ABCB9: variants seen among roughly 807,000 people sequenced by gnomAD.
The protein encoded by ABCB9 is ABC-type oligopeptide transporter ABCB9.
ABCB9 carries 36 observed loss-of-function variants against 62.0 expected under a neutral mutation model. The observed-to-expected ratio is 0.58, with a 90% CI of 0.45 to 0.77. ABCB9 has a LOEUF of 0.77. ABCB9 is among the 30% of genes least tolerant of loss of function. ABCB9 has a pLI of 0.00. For synonymous variants in ABCB9, 435 were observed against 461.4 expected (o/e 0.94, Z 0.73); for missense variants, 943 against 1,054.7 (o/e 0.89, Z 1.47).
chr12:122,966,191 G>C (rs1000967886), intron 1 of ABCB9, 96 bp downstream of exon 1: 1 of 152,434 alleles, frequency 6.6e-6, no homozygotes, highest in Non-Finnish European at 1.5e-5. Flanking sequence ...TTCCCACCGA[G>C]GCAGGGGTGC....
chr12:122,924,205 C>G (rs2034827641), downstream of ABCB9, among the ~76,000 whole-genome samples: 1 of 152,184 alleles, frequency 6.6e-6, no homozygotes, highest in South Asian at 2.1e-4. Flanking sequence ...GTGTGGGGAC[C>G]TGGGTTCCAG....
intron 9 of ABCB9, among the ~76,000 whole-genome samples, chr12:122,938,130 G>A (rs556200297): frequency 6.6e-5 from 10 of 152,210 alleles, no homozygotes; most frequent in Non-Finnish European, 1.2e-4. Flanking sequence ...TCTACTCTTA[G>A]GATTATACCT....
At chr12:122,962,597 A>G (rs916973857) in intron 1 of ABCB9, among the ~76,000 whole-genome samples, 8 of 152,184 alleles carry the variant, frequency 5.3e-5, no homozygotes, top group African/African-American at 1.7e-4. Flanking sequence ...TGATCCAGAC[A>G]TTCAGCCAAC....
At chr12:122,966,675 C>A (rs1049406795), upstream of ABCB9, among the ~76,000 whole-genome samples, 4 of 152,260 alleles carry the variant, frequency 2.6e-5, no homozygotes, top group Non-Finnish European at 4.4e-5. Flanking sequence ...CACAGCTGGC[C>A]ACCTGCTCAC....
At chr12:122,966,539 C>G (rs1418093358), upstream of ABCB9, 3 of 145,496 alleles carry the variant, frequency 2.1e-5, no homozygotes, top group East Asian at 6.2e-4. Flanking sequence ...GGGCAGGGAC[C>G]GGCGGAGCCT....
chr12:122,971,419 A>G (rs1034114517), upstream of ABCB9, among the ~76,000 whole-genome samples: 2 of 151,662 alleles, frequency 1.3e-5, no homozygotes, highest in Non-Finnish European at 2.9e-5. Flanking sequence ...AAAAACAAAC[A>G]AAAACAACAA....
At chr12:122,970,739 C>T (rs1012979124), upstream of ABCB9, among the ~76,000 whole-genome samples, 1 of 152,126 alleles carries the variant, frequency 6.6e-6, no homozygotes, top group Non-Finnish European at 1.5e-5. Context: ...AAGCTTTATT[C>T]GTAATTGCCT....
rs770700581 is a variant in ABCB9, at chr12:122,940,871, C to A, written c.1505G>T (p.Gly502Val). ...GGTCACATTCTCAAAGTCCACCCGGCCCTCCAGGTGGTCGGGGGCCAAGCT... is the reference window on the plus strand; with the variant it reads ...GGTCACATTCTCAAAGTCCACCCGGACCTCCAGGTGGTCGGGGGCCAAGCT... ...DGSLAPDHLE[G>V]RVDFENVTFT... Residue 502 changes from glycine (G) to valine (V), a missense_variant, in exon 8 of 12, where the codon GGC becomes GTC. Physicochemically the swap from Gly to Val is moderately radical, Grantham distance 109. Transcript: ENST00000280560. The surrounding 1 kb of genome is among the most constrained non-coding windows in gnomAD (Gnocchi z 4.8). 2 of 1,612,096 alleles carry A rather than the reference C, an allele frequency of 1.2e-6. No individual in the cohort carries two copies. The highest frequency in any genetic ancestry group is 1.7e-6 in the Non-Finnish European group (2 of 1,179,104).
intron 2 of ABCB9, chr12:122,951,076 G>C (rs1362239452): frequency 1.4e-5 from 2 of 142,414 alleles, no homozygotes; most frequent in Non-Finnish European, 3.0e-5. Context: ...TCAACCTCCT[G>C]GGTTGAAGCA....
Position 122,947,473 on chromosome 12 carries a change from T to G in ABCB9, c.1053+1151A>C. The G allele has an allele frequency of 2.2e-6, 1 of 454,776 alleles. No individual in the cohort carries two copies. The highest frequency in any genetic ancestry group is 1.6e-5 in the South Asian group (1 of 64,466). 28.2% of individuals were successfully genotyped at this position (454,776 alleles called of 1,614,324 possible). ...CTCCAATGGAGCTGCGACAATGACT[T>G]ACCCGGCACCACCTGGAGGCCGTCA... is the stretch of plus-strand genomic sequence containing the variant. On this transcript the variant is annotated intron_variant, in intron 5 of 11. Transcript: ENST00000280560. This position sits in a 1 kb window ranked among gnomAD's most constrained non-coding sequence, Gnocchi z 6.0.
Position 122,933,822 on chromosome 12 carries a change from A to G in ABCB9, c.1903+1450T>C, listed in dbSNP as rs137942565. ...TACAACGTGATGCTCTGAAATACAT[A>G]TACACTGTGGAATAGCTAAATCAAG... On this transcript the variant is annotated intron_variant, in intron 10 of 11. Coordinates refer to ENST00000280560, the MANE Select transcript of ABCB9 (RefSeq NM_019625.4). 7.2e-5 allele frequency among the ~76,000 whole-genome samples: 11 copies of G among 152,324 alleles called. No individual in the cohort carries two copies. The East Asian group carries it at 1.9e-3, about 27-fold the overall frequency.
At chr12:122,939,903 C>T in intron 9 of ABCB9, 1 of 663,314 alleles carries the variant, frequency 1.5e-6, no homozygotes, top group Non-Finnish European at 2.4e-6. Flanking sequence ...CCTCCAGCCT[C>T]AGCTTCCCAA....
upstream of ABCB9, among the ~76,000 whole-genome samples, chr12:122,970,778 A>G (rs1331800566): frequency 6.6e-6 from 1 of 152,258 alleles, no homozygotes; most frequent in East Asian, 1.9e-4. Flanking sequence ...GATGTCGTTC[A>G]GCAGGTGAAT....
At chr12:122,924,681 AG>A, downstream of ABCB9, 4 of 1,517,994 alleles carry the variant, frequency 2.6e-6, no homozygotes, top group Non-Finnish European at 3.5e-6. Context: ...GGACTAAGCC[AG>A]CCCTGGGGTG....
At chr12:122,938,753 G>C (rs1479945631) in intron 9 of ABCB9, among the ~76,000 whole-genome samples, 4 of 150,290 alleles carry the variant, frequency 2.7e-5, no homozygotes, top group Non-Finnish European at 5.9e-5. Flanking sequence ...GCGTGAACCC[G>C]GGAGGTGGAG....
chr12:122,955,564 A>C (rs888205859), intron 2 of ABCB9, among the ~76,000 whole-genome samples: 2 of 152,166 alleles, frequency 1.3e-5, no homozygotes, highest in African/African-American at 4.8e-5. Context: ...GTGAATGCAT[A>C]CATAACAGGG....
chr12:122,935,309 G>T lies in ABCB9; in HGVS notation c.1866C>A (p.His622Gln), dbSNP rs770865113. ...VVEAAQKANA[H>Q]GFIMELQDGY... Reference sequence around the variant, plus strand: ...CGTCCTGGAGTTCCATGATGAAGCCGTGGGCATTGGCCTTCTGTGCGGCCT... The same window carrying T: ...CGTCCTGGAGTTCCATGATGAAGCCTTGGGCATTGGCCTTCTGTGCGGCCT... The change falls in exon 10 of 12, where the codon CAC (histidine) becomes CAA (glutamine). Residue 622 changes from histidine (H) to glutamine (Q), a missense_variant. By Grantham distance (24) the His-to-Gln change is conservative (BLOSUM62 0). Coordinates refer to ENST00000280560, the MANE Select transcript of ABCB9 (RefSeq NM_019625.4). The T allele has an allele frequency of 6.2e-7, 1 of 1,613,274 alleles. No homozygotes were observed.
chr12:122,923,105 C>T (rs1354782991), intron 11 of ABCB9, among the ~76,000 whole-genome samples: 2 of 151,244 alleles, frequency 1.3e-5, no homozygotes, highest in East Asian at 2.0e-4. Context: ...CCACAGTGCT[C>T]GGCATTTTTT....
chr12:122,943,944 CTATT>C (rs745608092), intron 7 of ABCB9, among the ~76,000 whole-genome samples: 13 of 151,296 alleles, frequency 8.6e-5, no homozygotes, highest in Admixed American at 2.0e-4. Flanking sequence ...CTCGGCTTGC[CTATT>C]TATTTATCAA....
Sources: gnomAD v4.1 joint callset for allele counts (sites outside exome capture counted in the v4.1 genomes callset) on GRCh38, gnomAD v4.1.1 for gene constraint, Gnocchi (gnomAD v3.1) non-coding constraint, MANE v1.5 for transcripts, NCBI Gene and HGNC (gene_info 2026-07-23, HGNC 2026-07-21) for gene names.